Variants in PDE1A observed in about 807,000 individuals in gnomAD.
PDE1A encodes the protein dual specificity calcium/calmodulin-dependent 3',5'-cyclic nucleotide phosphodiesterase 1A.
PDE1A carries 35 observed loss-of-function variants against 61.7 expected under a neutral mutation model. The ratio of observed to expected loss-of-function variants is 0.57; its 90% CI spans 0.43 to 0.75. The LOEUF is 0.75. Ranked by LOEUF, PDE1A falls within the 30% of genes least tolerant of loss-of-function variation. The pLI is 0.00. For missense variants in PDE1A, 597 were observed against 630.6 expected (o/e 0.95, Z 0.57); for synonymous variants, 232 against 213.2 (o/e 1.09, Z -0.77).
chr2:182,162,545 T>A (rs1041975871), intron 13 of PDE1A, among the ~76,000 whole-genome samples: 1 of 152,100 alleles, frequency 6.6e-6, no homozygotes, highest in Non-Finnish European at 1.5e-5. Context: ...CCAGAGCCCT[T>A]TAAGTGAAGG....
the PDE1A span, among the ~76,000 whole-genome samples, chr2:182,534,383 G>A: frequency 6.6e-6 from 1 of 151,780 alleles, no homozygotes; most frequent in Non-Finnish European, 1.5e-5. Flanking sequence ...TGGGTCAAGG[G>A]TTATAAATCT....
chr2:182,331,754 G>A (rs1011617597), intron 1 of PDE1A, among the ~76,000 whole-genome samples: 3 of 152,164 alleles, frequency 2.0e-5, no homozygotes, highest in African/African-American at 7.2e-5. Context: ...TGGGTAACCC[G>A]ACCTTTCTTT....
At chr2:182,353,092 G>A (rs551763233) in intron 1 of PDE1A, among the ~76,000 whole-genome samples, 14 of 152,228 alleles carry the variant, frequency 9.2e-5, no homozygotes, top group African/African-American at 3.4e-4. Context: ...ATTACATATG[G>A]AAAAGTCACG....
chr2:182,530,666 A>G, the PDE1A span, among the ~76,000 whole-genome samples: 9 of 152,356 alleles, frequency 5.9e-5, no homozygotes, highest in East Asian at 1.9e-4. Context: ...TTTGAAATCC[A>G]TATTCAGTGA....
At chr2:182,470,706 G>A (rs1189178055) in intron 2 of PDE1A, among the ~76,000 whole-genome samples, 1 of 151,800 alleles carries the variant, frequency 6.6e-6, no homozygotes, top group Non-Finnish European at 1.5e-5. Flanking sequence ...CCTGTGAAAT[G>A]AGGGTAGATG....
chr2:182,212,463 C>T (rs376029873), intron 7 of PDE1A, among the ~76,000 whole-genome samples: 43 of 152,272 alleles, frequency 2.8e-4, no homozygotes, highest in Admixed American at 2.0e-3. Flanking sequence ...CCAGCGTGAG[C>T]GACGCAGAAG....
chr2:182,679,223 G>T, the PDE1A span, among the ~76,000 whole-genome samples: 1 of 148,794 alleles, frequency 6.7e-6, no homozygotes, highest in Non-Finnish European at 1.5e-5. Context: ...TTACTCAGTC[G>T]CCCAGGCTGG....
chr2:182,317,437 G>A (rs1224688498), intron 1 of PDE1A, among the ~76,000 whole-genome samples: 1 of 151,990 alleles, frequency 6.6e-6, no homozygotes, highest in Non-Finnish European at 1.5e-5. Context: ...TGCATGCCAT[G>A]GCAAATTCTA....
At chr2:182,645,431 A>G in the PDE1A span, among the ~76,000 whole-genome samples, 1 of 152,186 alleles carries the variant, frequency 6.6e-6, no homozygotes, top group South Asian at 2.1e-4. Context: ...CTTTTTTCAC[A>G]TTTTCTTCAT....
chr2:182,669,584 C>A, the PDE1A span, among the ~76,000 whole-genome samples: 20 of 152,174 alleles, frequency 1.3e-4, no homozygotes, highest in African/African-American at 4.8e-4. Context: ...CATGTTATTT[C>A]TTTCCCATCT....
downstream of PDE1A, among the ~76,000 whole-genome samples, chr2:182,165,828 T>G (rs1279203599): frequency 2.6e-5 from 4 of 152,252 alleles, no homozygotes; most frequent in African/African-American, 9.6e-5. Flanking sequence ...TATTAACATG[T>G]CTTAAGCAAG....
chr2:182,202,195 GC>G (rs1354112366), intron 8 of PDE1A, among the ~76,000 whole-genome samples: 1 of 152,050 alleles, frequency 6.6e-6, no homozygotes, highest in East Asian at 1.9e-4. Context: ...GTCCAGTGGG[GC>G]CTGAGACTAT....
intron 13 of PDE1A, among the ~76,000 whole-genome samples, chr2:182,185,216 G>A (rs1685106226): frequency 6.6e-6 from 1 of 152,180 alleles, no homozygotes; most frequent in African/African-American, 2.4e-5. Flanking sequence ...GGAGTGTAGT[G>A]TATAAGGGAG....
intron 1 of PDE1A, among the ~76,000 whole-genome samples, chr2:182,329,935 T>C (rs1436218371): frequency 6.6e-6 from 1 of 152,234 alleles, no homozygotes; most frequent in African/African-American, 2.4e-5. Context: ...ACACTTAAAA[T>C]GGTGTCTGAT....
At chr2:182,148,529 G>T (rs1690615446) in intron 13 of PDE1A, among the ~76,000 whole-genome samples, 1 of 152,178 alleles carries the variant, frequency 6.6e-6, no homozygotes, top group African/African-American at 2.4e-5. Flanking sequence ...TAAGACCCAT[G>T]AATCTCTGGC....
chr2:182,298,431 A>T (rs1168202853), intron 1 of PDE1A, among the ~76,000 whole-genome samples: 3 of 152,174 alleles, frequency 2.0e-5, no homozygotes, highest in African/African-American at 7.2e-5. Context: ...AGAACCAGTA[A>T]GTCCTATATG....
At chr2:182,487,079 T>A (rs1180632024) in intron 2 of PDE1A, among the ~76,000 whole-genome samples, 2 of 152,170 alleles carry the variant, frequency 1.3e-5, no homozygotes, top group East Asian at 3.8e-4. Context: ...AAATATGGAT[T>A]TAATTCATCT....
the PDE1A span, among the ~76,000 whole-genome samples, chr2:182,686,071 TC>T: frequency 6.6e-6 from 1 of 152,192 alleles, no homozygotes; most frequent in Non-Finnish European, 1.5e-5. Flanking sequence ...TATATACCCT[TC>T]TTTTCCTTCC....
the PDE1A span, among the ~76,000 whole-genome samples, chr2:182,671,281 C>A: frequency 1.1e-5 from 1 of 92,920 alleles, no homozygotes; most frequent in Non-Finnish European, 2.7e-5. Flanking sequence ...ACGCCATTCT[C>A]CTGCCTCAGC....
Sources: allele counts gnomAD v4.1 joint callset (sites outside exome capture counted in the v4.1 genomes callset), GRCh38; gene constraint gnomAD v4.1.1; transcripts MANE v1.5; gene names NCBI Gene and HGNC (gene_info 2026-07-23, HGNC 2026-07-21).